Variants in SMCHD1 observed in about 807,000 individuals in gnomAD.
SMCHD1 encodes structural maintenance of chromosomes flexible hinge domain-containing protein 1.
SMCHD1 carries 78 observed loss-of-function variants against 254.7 expected under a neutral mutation model. That is an observed-to-expected ratio of 0.31 (90% CI 0.26 to 0.37). SMCHD1 has a LOEUF of 0.37. Ranked by LOEUF, SMCHD1 falls within the 10% of genes least tolerant of loss-of-function variation. SMCHD1 has a pLI of 1.00. For missense variants in SMCHD1, 1,840 were observed against 2,408.1 expected (o/e 0.76, Z 4.94); for synonymous variants, 766 against 794.9 (o/e 0.96, Z 0.61).
intron 1 of SMCHD1, among the ~76,000 whole-genome samples, chr18:2,664,673 A>T (rs775599546): frequency 2.0e-5 from 3 of 152,194 alleles, no homozygotes; most frequent in Non-Finnish European, 4.4e-5. Context: ...GAGGCACGTG[A>T]TGTGTGGGTG....
chr18:2,703,567 A>G, intron 12 of SMCHD1, 125 bp from the exon 13 acceptor site: 1 of 719,718 alleles, frequency 1.4e-6, no homozygotes, highest in East Asian at 2.8e-5. Context: ...CAGAATATTT[A>G]ATTTTTTATT....
intron 1 of SMCHD1, among the ~76,000 whole-genome samples, chr18:2,661,696 G>A (rs36088275): frequency 0.18 from 26,813 of 152,172 alleles, 5,826 homozygotes; most frequent in African/African-American, 0.52. Flanking sequence ...ATGGTCAGGA[G>A]CGATAACCCG....
Position 2,740,749 on chromosome 18 carries a change from A to G in SMCHD1, c.3561A>G (p.Ser1187=). ...DQYGNQIQAF[S]PSSLSSLSIA... is the part of the protein sequence containing the mutation. ...ACGGAAATCAGATTCAAGCATTTTC[A>G]CCAAGTTCTTTATCTTCTTTGTCAA... The change falls in exon 28 of 48, where the codon TCA becomes TCG. Residue 1187 remains serine (S), a synonymous_variant. Coordinates refer to ENST00000320876, the MANE Select transcript of SMCHD1 (RefSeq NM_015295.3). The G allele has an allele frequency of 6.2e-7, 1 of 1,611,806 alleles. No homozygotes were observed. The highest frequency in any genetic ancestry group is 1.1e-5 in the South Asian group (1 of 90,762).
At chr18:2,701,025 T>G in intron 12 of SMCHD1, 107 bp downstream of exon 12, 1 of 847,192 alleles carries the variant, frequency 1.2e-6, no homozygotes, top group Non-Finnish European at 1.7e-6. Context: ...ATCAAAAGAC[T>G]ATGATGTATA....
rs528237901 is a variant in SMCHD1, at chr18:2,772,044, C to A, written c.5053-206C>A. 1.2e-3 allele frequency among the ~76,000 whole-genome samples: 185 copies of A among 151,668 alleles called. No homozygotes were observed. The Middle Eastern group carries it at 0.021, about 17-fold the overall frequency. ...TTTTTTAAATTCAGTGAAGTGGGAA[C>A]TTTATATTACTATAACCATGGTTTT... On this transcript the variant is annotated intron_variant, in intron 40 of 47. Transcript: ENST00000320876.
intron 34 of SMCHD1, among the ~76,000 whole-genome samples, chr18:2,756,403 G>A (rs998414721): frequency 2.6e-5 from 4 of 152,100 alleles, no homozygotes; most frequent in African/African-American, 9.7e-5. Context: ...CTCAGTCTTG[G>A]TTTATTCTTA....
Position 2,763,712 on chromosome 18 carries a change from G to C in SMCHD1, c.4642G>C (p.Asp1548His). ...CACCATTAAAGGCTCTAATGAGGAAGATACTGATACCCCACTTTTTATTGG... is the reference window on the plus strand; with the variant it reads ...CACCATTAAAGGCTCTAATGAGGAACATACTGATACCCCACTTTTTATTGG... ...IATIKGSNEE[D>H]TDTPLFIGKV... Residue 1548 changes from aspartate (D) to histidine (H), a missense_variant, in exon 37 of 48, where the codon GAT becomes CAT. By Grantham distance (81) the Asp-to-His change is moderately conservative. Around this residue, in one of 9 missense-constraint regions of SMCHD1, gnomAD observed 881 missense variants for 1,009.5 expected, o/e 0.87. Transcript: ENST00000320876. 1 of 1,610,108 alleles carries C rather than the reference G, an allele frequency of 6.2e-7. No individual in the cohort carries two copies.
At chr18:2,702,718 CTT>C (rs1241220769) in intron 12 of SMCHD1, among the ~76,000 whole-genome samples, 1 of 152,136 alleles carries the variant, frequency 6.6e-6, no homozygotes, top group African/African-American at 2.4e-5. Flanking sequence ...ATTCATATAA[CTT>C]TAAAAAAATC....
intron 3 of SMCHD1, among the ~76,000 whole-genome samples, chr18:2,672,330 G>A (rs1160102749): frequency 1.1e-4 from 16 of 151,972 alleles, no homozygotes; most frequent in Admixed American, 7.2e-4. Flanking sequence ...AGGTTCAAGC[G>A]ATTCTCCTGC....
chr18:2,690,920 A>G (rs1447336922), intron 7 of SMCHD1, among the ~76,000 whole-genome samples: 1 of 151,438 alleles, frequency 6.6e-6, no homozygotes, highest in Non-Finnish European at 1.5e-5. Context: ...AAGAATGAGA[A>G]GGGGAGAGGG....
intron 42 of SMCHD1, among the ~76,000 whole-genome samples, chr18:2,776,340 G>C (rs2076066025): frequency 6.6e-6 from 1 of 151,914 alleles, no homozygotes; most frequent in Non-Finnish European, 1.5e-5. Context: ...TCCCACCTCA[G>C]CTTCCCAAGT....
chr18:2,777,686 AT>A, intron 42 of SMCHD1, 119 bp from the exon 43 acceptor site: 1 of 556,212 alleles, frequency 1.8e-6, no homozygotes, highest in Non-Finnish European at 3.2e-6. Context: ...CTTGTGGTGG[AT>A]TGGGAATTGA....
chr18:2,732,803 G>A (rs2143488531), intron 25 of SMCHD1, among the ~76,000 whole-genome samples: 1 of 152,208 alleles, frequency 6.6e-6, no homozygotes, highest in Non-Finnish European at 1.5e-5. Context: ...TCACCACCTT[G>A]ATAAAGCTAG....
intron 7 of SMCHD1, among the ~76,000 whole-genome samples, 157 bp downstream of exon 7, chr18:2,688,904 A>G (rs2074110946): frequency 6.6e-6 from 1 of 152,176 alleles, no homozygotes; most frequent in Admixed American, 6.5e-5. Context: ...TCTTCAGACA[A>G]GTTGTCTCAT....
chr18:2,737,817 G>T (rs577251300), intron 25 of SMCHD1, among the ~76,000 whole-genome samples: 1 of 152,174 alleles, frequency 6.6e-6, no homozygotes, highest in Admixed American at 6.5e-5. Context: ...AGAAAGTATT[G>T]GGAGTTTAAA....
rs749751285 is a variant in SMCHD1, at chr18:2,688,647, A to T, written c.773A>T (p.Asp258Val). Reference sequence around the variant, plus strand: ...TAACAGATGATAAGCAAACCTGCAGATTCCCAAGATGTTCACGAGCTTGTG... The same window carrying T: ...TAACAGATGATAAGCAAACCTGCAGTTTCCCAAGATGTTCACGAGCTTGTG... ...QSARMISKPA[D>V]SQDVHELVLS... The change falls in exon 7 of 48, where the codon GAT (aspartate) becomes GTT (valine). Residue 258 changes from aspartate (D) to valine (V), a missense_variant. Coordinates refer to ENST00000320876, the MANE Select transcript of SMCHD1 (RefSeq NM_015295.3). 11 of 1,558,224 alleles carry T rather than the reference A, an allele frequency of 7.1e-6. No homozygotes were observed. The East Asian group carries it at 2.6e-4, about 37-fold the overall frequency.
intron 34 of SMCHD1, among the ~76,000 whole-genome samples, chr18:2,755,922 A>T (rs1333224571): frequency 2.0e-5 from 3 of 152,148 alleles, no homozygotes; most frequent in African/African-American, 7.2e-5. Context: ...GCAAAATGTT[A>T]AATAGACATG....
intron 19 of SMCHD1, among the ~76,000 whole-genome samples, chr18:2,719,995 A>T (rs1210648171): frequency 2.6e-5 from 4 of 151,142 alleles, no homozygotes; most frequent in Non-Finnish European, 5.9e-5. Context: ...TTTAAAAAAC[A>T]TTTTTTTGTA....
chr18:2,795,325 C>A (rs1323739216), intron 45 of SMCHD1, among the ~76,000 whole-genome samples: 1 of 152,126 alleles, frequency 6.6e-6, no homozygotes, highest in African/African-American at 2.4e-5. Flanking sequence ...TTGCAACGTG[C>A]TGGGATTACA....
Sources: allele counts gnomAD v4.1 joint callset (sites outside exome capture counted in the v4.1 genomes callset), GRCh38; gene constraint gnomAD v4.1.1; regional missense constraint gnomAD v4.1.1; transcripts MANE v1.5; gene names NCBI Gene and HGNC (gene_info 2026-07-23, HGNC 2026-07-21).